DNM1: variants seen among roughly 807,000 people sequenced by gnomAD.
DNM1 encodes the protein dynamin 1, also known as dynamin-1.
A neutral mutation model predicts 104.6 loss-of-function variants in DNM1; 29 were observed. The ratio of observed to expected loss-of-function variants is 0.28; its 90% CI spans 0.21 to 0.38. The LOEUF (loss-of-function observed/expected upper bound fraction) is 0.38, where lower values mean the gene tolerates loss of function less well. Ranked by LOEUF, DNM1 falls within the 10% of genes least tolerant of loss-of-function variation. The probability of loss-of-function intolerance (pLI) is 1.00; values close to 1 mark genes in which losing one functional copy is unlikely to be tolerated. For synonymous variants in DNM1, 445 were observed against 475.8 expected (o/e 0.94, Z 0.84); for missense variants, 640 against 1,189.4 (o/e 0.54, Z 6.79).
At chr9:128,208,476 C>G (rs979771000) in intron 1 of DNM1, among the ~76,000 whole-genome samples, 8 of 152,204 alleles carry the variant, frequency 5.3e-5, no homozygotes, top group African/African-American at 1.9e-4. Context: ...CACTATTAAG[C>G]TCTGTCTCTT....
In DNM1 at chr9:128,253,009, C is replaced by A; in HGVS notation, c.2535-1645C>A. On this transcript the variant is annotated intron_variant, in intron 21 of 21. Transcript: ENST00000372923. The surrounding 1 kb of genome is among the most constrained non-coding windows in gnomAD (Gnocchi z 5.9). ...TGGGGCCTCACAGCATGTGTGTGCA[C>A]GCCCGGGCGTGTGCGTGTGTGTGTC... The A allele has an allele frequency of 7.7e-7, 1 of 1,292,730 alleles. No homozygotes were observed. The highest frequency in any genetic ancestry group is 1.5e-5 in the African/African-American group (1 of 68,738). The allele number at this position is 1,292,730 out of a possible 1,614,324, so 80.1% of individuals were successfully genotyped here.
chr9:128,204,776 T>G (rs546887808), intron 1 of DNM1: 1 of 152,682 alleles, frequency 6.5e-6, no homozygotes, highest in East Asian at 1.9e-4. Flanking sequence ...TCCAATGACC[T>G]TCAGGGCCAA....
chr9:128,252,559 CAG>C (rs1829592726), intron 21 of DNM1: 2 of 386,738 alleles, frequency 5.2e-6, no homozygotes, highest in Non-Finnish European at 1.0e-5. Flanking sequence ...AGAACAGAGA[CAG>C]AATGAGGAAG....
At chr9:128,239,599 T>C in intron 12 of DNM1, 84 bp downstream of exon 12, 1 of 1,276,128 alleles carries the variant, frequency 7.8e-7, no homozygotes, top group Non-Finnish European at 1.1e-6. Flanking sequence ...TGTGTGTGTG[T>C]GTGTGTGTGT....
At chr9:128,239,408 CTT>C in intron 11 of DNM1, 35 bp from the exon 12 acceptor site, 1 of 1,578,540 alleles carries the variant, frequency 6.3e-7, no homozygotes, top group Non-Finnish European at 8.7e-7. Context: ...TTTGTGGTGT[CTT>C]TTGCGCTTGC....
At chr9:128,246,895 C>A (rs530757620) in intron 16 of DNM1, 49 of 271,084 alleles carry the variant, frequency 1.8e-4, no homozygotes, top group African/African-American at 9.8e-4. Flanking sequence ...CCAAAGGGCC[C>A]TAGTCAGGCC....
Position 128,254,651 on chromosome 9 carries a change from C to T in DNM1, c.2535-3C>T. 6.3e-7 allele frequency: 1 copy of T among 1,596,310 alleles called. No homozygotes were observed. The highest frequency in any genetic ancestry group is 8.5e-7 in the Non-Finnish European group (1 of 1,179,732). Reference sequence around the variant, plus strand: ...TTCTCTCTGCTTTCTCTCCAACTGCCAGCCGATCGGGTCAGGCAAGTCCAT... The same window carrying T: ...TTCTCTCTGCTTTCTCTCCAACTGCTAGCCGATCGGGTCAGGCAAGTCCAT... On this transcript the variant is annotated splice_region_variant and splice_polypyrimidine_tract_variant and intron_variant, in intron 21 of 21. Coordinates refer to ENST00000372923, the MANE Select transcript of DNM1 (RefSeq NM_004408.4). This position sits in a 1 kb window ranked among gnomAD's most constrained non-coding sequence, Gnocchi z 6.1.
At chr9:128,226,071 C>T in intron 10 of DNM1, 1 of 1,612,732 alleles carries the variant, frequency 6.2e-7, no homozygotes, top group Non-Finnish European at 8.5e-7. Flanking sequence ...CTTTTGAAGC[C>T]ACAGTGAAAA....
Position 128,255,141 on chromosome 9 carries a change from A to C in DNM1, c.*427A>C. 5.9e-6 allele frequency: 1 copy of C among 170,710 alleles called. No homozygotes were observed. The highest frequency in any genetic ancestry group is 1.2e-5 in the Non-Finnish European group (1 of 80,648). The allele number at this position is 170,710 out of a possible 1,614,324, so 10.6% of individuals were successfully genotyped here. A position where few individuals can be genotyped will look rare whatever the true frequency, so the allele number is the denominator to read the frequency against. On this transcript the variant is annotated 3_prime_UTR_variant, in exon 22 of 22. Coordinates refer to ENST00000372923, the MANE Select transcript of DNM1 (RefSeq NM_004408.4). ...GCCCCCGCCATCCCTCCCACCCCCT[A>C]CCAAGCATGGGGGTGCTGTGCAGGC... is the stretch of plus-strand genomic sequence containing the variant.
In DNM1 at chr9:128,220,742, C is replaced by CGCGCGCGCGCGCGTGTGTGTGTGTGT. The variant is rs61020870; in HGVS notation, c.849+402_849+403insCGCGCGCGCGCGTGTGTGTGTGTGTG. On this transcript the variant is annotated intron_variant, in intron 6 of 21. Transcript: ENST00000372923. The surrounding 1 kb of genome is among the most constrained non-coding windows in gnomAD (Gnocchi z 5.2). ...CAGAACTGAAGTGCGCGCGCGCGCGCGTGTGTGTGTGTGTGTGTGTGTGTG... is the reference window on the plus strand; with the variant it reads ...CAGAACTGAAGTGCGCGCGCGCGCGCGCGCGCGCGCGCGTGTGTGTGTGTGTGTGTGTGTGTGTGTGTGTGTGTGTG... Among the ~76,000 whole-genome samples the CGCGCGCGCGCGCGTGTGTGTGTGTGT allele has an allele frequency of 7.3e-6, 1 of 136,278 alleles. No individual in the cohort carries two copies. The highest frequency in any genetic ancestry group is 2.7e-5 in the African/African-American group (1 of 37,720). The allele number at this position is 136,278 out of a possible 152,430, so 89.4% of individuals were successfully genotyped here.
At position 128,253,214 on chromosome 9, in the gene DNM1, C is replaced by T; in HGVS notation, c.2535-1440C>T. 2 of 1,436,912 alleles carry T rather than the reference C, an allele frequency of 1.4e-6. No individual in the cohort carries two copies. The highest frequency in any genetic ancestry group is 2.3e-5 in the South Asian group (2 of 86,718). 89.0% of individuals were successfully genotyped at this position (1,436,912 alleles called of 1,614,324 possible). On this transcript the variant is annotated intron_variant, in intron 21 of 21. Transcript: ENST00000372923. The surrounding 1 kb of genome is among the most constrained non-coding windows in gnomAD (Gnocchi z 5.9). ...CACTAGCTCCACACGGGGCGCGCAC[C>T]TGGGACCTCAGAGCCAGGCTCCCCG...
chr9:128,233,917 G>T, intron 10 of DNM1, 104 bp from the exon 11 acceptor site: 1 of 1,034,054 alleles, frequency 9.7e-7, no homozygotes, highest in Non-Finnish European at 1.5e-6. Flanking sequence ...CATTCTGTGT[G>T]TGCCTCCCAC....
At position 128,203,394 on chromosome 9, in the gene DNM1, C is replaced by A; in HGVS notation, c.-77C>A. 7.7e-7 allele frequency: 1 copy of A among 1,306,594 alleles called. No homozygotes were observed. The highest frequency in any genetic ancestry group is 1.9e-5 in the South Asian group (1 of 53,020). 80.9% of individuals were successfully genotyped at this position (1,306,594 alleles called of 1,614,324 possible). On this transcript the variant is annotated 5_prime_UTR_variant, in exon 1 of 22. The change creates a new upstream start codon in the 5' untranslated region. Transcript: ENST00000372923. The surrounding 1 kb of genome is among the most constrained non-coding windows in gnomAD (Gnocchi z 5.3). ...CGGCGCAGGCAGTCTGGGCGCGCGG[C>A]TGCAGCGGCGGAGCCGGAGTCGGAG...
chr9:128,222,453 C>T lies in DNM1; in HGVS notation c.993-8C>T. On this transcript the variant is annotated splice_polypyrimidine_tract_variant and splice_region_variant and intron_variant, in intron 7 of 21. Transcript: ENST00000372923. The surrounding 1 kb of genome is among the most constrained non-coding windows in gnomAD (Gnocchi z 7.8). ...CTGCCCCCTCAGGCCACACCACTCT[C>T]CCACCAGGATGGTCCAGCAGTTCGC... is the stretch of plus-strand genomic sequence containing the variant. 1 of 1,614,086 alleles carries T rather than the reference C, an allele frequency of 6.2e-7. No individual in the cohort carries two copies. The highest frequency in any genetic ancestry group is 8.5e-7 in the Non-Finnish European group (1 of 1,179,942).
intron 10 of DNM1, among the ~76,000 whole-genome samples, chr9:128,228,050 G>T (rs1239987594): frequency 4.0e-5 from 6 of 150,408 alleles, no homozygotes; most frequent in Admixed American, 6.6e-5. Context: ...TTTGTTTTTG[G>T]TTTTTTTTGA....
chr9:128,218,504 C>G lies in DNM1; in HGVS notation c.236-78C>G. The G allele has an allele frequency of 2.6e-6, 4 of 1,526,060 alleles. No homozygotes were observed. The South Asian group carries it at 3.6e-5, about 14-fold the overall frequency. The allele number at this position is 1,526,060 out of a possible 1,614,324, so 94.5% of individuals were successfully genotyped here. On this transcript the variant is annotated intron_variant, in intron 2 of 21. Transcript: ENST00000372923. The surrounding 1 kb of genome is among the most constrained non-coding windows in gnomAD (Gnocchi z 4.8). ...GGGTGTGTCTAGGGGGTTCTATTAC[C>G]GGTGGGAGATGAAAACCCCCAGGTG...
intron 1 of DNM1, among the ~76,000 whole-genome samples, chr9:128,217,274 G>A (rs904007645): frequency 1.3e-5 from 2 of 152,346 alleles, no homozygotes; most frequent in African/African-American, 4.8e-5. Context: ...GATACTGGCT[G>A]TGCAACCTGA....
chr9:128,253,239 G>A lies in DNM1; in HGVS notation c.2535-1415G>A. ...CTGGGACCTCAGAGCCAGGCTCCCCGCCCCTCCCTTCTGCAGCTGCAGACT... is the reference window on the plus strand; with the variant it reads ...CTGGGACCTCAGAGCCAGGCTCCCCACCCCTCCCTTCTGCAGCTGCAGACT... On this transcript the variant is annotated intron_variant, in intron 21 of 21. Coordinates refer to ENST00000372923, the MANE Select transcript of DNM1 (RefSeq NM_004408.4). The surrounding 1 kb of genome is among the most constrained non-coding windows in gnomAD (Gnocchi z 5.9). 9.0e-7 allele frequency: 1 copy of A among 1,112,316 alleles called. No individual in the cohort carries two copies. Among genetic ancestry groups the A allele is most frequent in the Non-Finnish European group, 1.3e-6 (1 of 755,066 alleles). 68.9% of individuals were successfully genotyped at this position (1,112,316 alleles called of 1,614,324 possible). A position where few individuals can be genotyped will look rare whatever the true frequency, so the allele number is the denominator to read the frequency against.
In DNM1 at chr9:128,255,079, G is replaced by T. The variant is rs548846040; in HGVS notation, c.*365G>T. ...CCCACTCCAAAGTGTGCCACCTCCA[G>T]TGAGCCTCCTTGTCATGCCCGGCCT... On this transcript the variant is annotated 3_prime_UTR_variant, in exon 22 of 22. Coordinates refer to ENST00000372923, the MANE Select transcript of DNM1 (RefSeq NM_004408.4). 18 of 193,578 alleles carry T rather than the reference G, an allele frequency of 9.3e-5. No homozygotes were observed. In the East Asian group the frequency reaches 2.5e-3, roughly 27 times the overall value. 12.0% of individuals were successfully genotyped at this position (193,578 alleles called of 1,614,324 possible).
Sources: gnomAD v4.1 joint callset for allele counts (sites outside exome capture counted in the v4.1 genomes callset) on GRCh38, gnomAD v4.1.1 for gene constraint, Gnocchi (gnomAD v3.1) non-coding constraint, MANE v1.5 for transcripts, NCBI Gene and HGNC (gene_info 2026-07-23, HGNC 2026-07-21) for gene names.